Variants in NELL2 observed in about 807,000 individuals in gnomAD.
NELL2 encodes the protein protein kinase C-binding protein NELL2.
A neutral mutation model predicts 109.6 loss-of-function variants in NELL2; 41 were observed. The ratio of observed to expected loss-of-function variants is 0.37; its 90% CI spans 0.29 to 0.49. The LOEUF (loss-of-function observed/expected upper bound fraction) is 0.49, where lower values mean the gene tolerates loss of function less well. NELL2 is among the 20% of genes least tolerant of loss of function. The pLI, the probability that NELL2 is intolerant of heterozygous loss-of-function variation, is 0.98. For missense variants in NELL2, 900 were observed against 1,008.3 expected (o/e 0.89, Z 1.45); for synonymous variants, 355 against 344.7 (o/e 1.03, Z -0.33).
intron 3 of NELL2, among the ~76,000 whole-genome samples, chr12:44,813,145 G>T (rs1485932191): frequency 3.3e-5 from 5 of 152,152 alleles, no homozygotes; most frequent in Non-Finnish European, 5.9e-5. Context: ...GCAATGAGTG[G>T]CAGAGCTATG....
At chr12:44,569,097 T>A (rs1359522647) in intron 15 of NELL2, among the ~76,000 whole-genome samples, 1 of 152,162 alleles carries the variant, frequency 6.6e-6, no homozygotes, top group African/African-American at 2.4e-5. Context: ...TGTCTTCTCA[T>A]CATTTAGCTT....
chr12:44,693,637 C>T (rs1948968652), intron 12 of NELL2, among the ~76,000 whole-genome samples: 1 of 152,074 alleles, frequency 6.6e-6, no homozygotes, highest in Non-Finnish European at 1.5e-5. Flanking sequence ...ATTTGAATGT[C>T]TTAATGGTGT....
At chr12:44,551,685 G>C (rs1300420566) in intron 15 of NELL2, among the ~76,000 whole-genome samples, 1 of 152,096 alleles carries the variant, frequency 6.6e-6, no homozygotes, top group East Asian at 1.9e-4. Context: ...AATGGTGTTT[G>C]GAAAAATCAG....
chr12:44,732,136 T>C (rs1397140766), intron 9 of NELL2, among the ~76,000 whole-genome samples: 1 of 152,004 alleles, frequency 6.6e-6, no homozygotes, highest in Non-Finnish European at 1.5e-5. Flanking sequence ...TTAAAATATT[T>C]GTACTATCCA....
chr12:44,705,917 C>CT (rs1937851821), intron 11 of NELL2, among the ~76,000 whole-genome samples: 1 of 152,094 alleles, frequency 6.6e-6, no homozygotes, highest in African/African-American at 2.4e-5. Flanking sequence ...CAACTTTTCA[C>CT]TTGGTTGAAT....
Position 44,577,589 on chromosome 12 carries a change from T to C in NELL2, c.1663+29580A>G, listed in dbSNP as rs555081519. Among the ~76,000 whole-genome samples, 5 of 149,008 alleles carry C rather than the reference T, an allele frequency of 3.4e-5. No homozygotes were observed. The South Asian group carries it at 6.6e-4, about 20-fold the overall frequency. On this transcript the variant is annotated intron_variant, in intron 15 of 19. Transcript: ENST00000429094. ...GCCTCCCGGGTTCACACCATTCTCC[T>C]GCCTCAGCCTCCCGAGTAGCTGGGA... is the stretch of plus-strand genomic sequence containing the variant.
In NELL2 at chr12:44,776,168, G is replaced by A. The variant is rs757518506; in HGVS notation, c.763-18C>T. The A allele has an allele frequency of 1.4e-5, 23 of 1,611,420 alleles. No homozygotes were observed. Among genetic ancestry groups the A allele is most frequent in the South Asian group, 3.3e-5 (3 of 90,738 alleles). On this transcript the variant is annotated intron_variant, in intron 7 of 19. Transcript: ENST00000429094. Reference sequence around the variant, plus strand: ...CGAGACAGCTGTGGCACAAAAGAACGGGTTTTACATTGTTCATCCTTCCAG... The same window carrying A: ...CGAGACAGCTGTGGCACAAAAGAACAGGTTTTACATTGTTCATCCTTCCAG...
At chr12:44,531,143 T>C (rs1426636105) in intron 16 of NELL2, among the ~76,000 whole-genome samples, 3 of 152,080 alleles carry the variant, frequency 2.0e-5, no homozygotes, top group Non-Finnish European at 4.4e-5. Context: ...TAAACATAGG[T>C]AACCCCTAGA....
intron 2 of NELL2, among the ~76,000 whole-genome samples, chr12:44,823,529 G>A (rs1057427599): frequency 1.3e-5 from 2 of 152,150 alleles, no homozygotes; most frequent in East Asian, 1.9e-4. Context: ...TGAGCAGTTT[G>A]TCCTCCAGTT....
intron 15 of NELL2, among the ~76,000 whole-genome samples, chr12:44,599,903 C>T (rs189684026): frequency 1.3e-5 from 2 of 150,774 alleles, no homozygotes; most frequent in African/African-American, 4.8e-5. Context: ...ACCTCAGAGG[C>T]CCCCCAAAAA....
intron 9 of NELL2, among the ~76,000 whole-genome samples, chr12:44,736,289 G>A (rs535837225): frequency 1.3e-5 from 2 of 152,110 alleles, no homozygotes; most frequent in Admixed American, 6.5e-5. Context: ...GATTACAGGC[G>A]TGAGCCACCG....
rs145799832 is a variant in NELL2, at chr12:44,784,640, T to C, written c.336-4618A>G. On this transcript the variant is annotated intron_variant, in intron 3 of 19. Coordinates refer to ENST00000429094, the MANE Select transcript of NELL2 (RefSeq NM_001145108.2). ...CATGTGAAAATCCTCAATAAAATAC[T>C]GACAAACCAAATCCAGCAGCACATC... is the stretch of plus-strand genomic sequence containing the variant. Among the ~76,000 whole-genome samples, 29 of 152,248 alleles carry C rather than the reference T, an allele frequency of 1.9e-4. No individual in the cohort carries two copies. In the East Asian group the frequency reaches 5.4e-3, roughly 28 times the overall value.
intron 13 of NELL2, among the ~76,000 whole-genome samples, chr12:44,612,299 T>A (rs1945649307): frequency 6.6e-6 from 1 of 152,056 alleles, no homozygotes; most frequent in Non-Finnish European, 1.5e-5. Flanking sequence ...TCATTCTATA[T>A]GAGCACAAAG....
intron 16 of NELL2, among the ~76,000 whole-genome samples, chr12:44,524,882 T>C (rs189905721): frequency 2.6e-5 from 4 of 152,334 alleles, no homozygotes; most frequent in Admixed American, 2.6e-4. Flanking sequence ...GGTTAATGTG[T>C]ATTTTTTCAG....
chr12:44,642,728 A>G (rs1277062177), intron 13 of NELL2, among the ~76,000 whole-genome samples: 1 of 152,122 alleles, frequency 6.6e-6, no homozygotes, highest in Admixed American at 6.5e-5. Context: ...CTAAAAATAC[A>G]AAAATTAGCT....
At chr12:44,738,090 C>T (rs1939746795) in intron 9 of NELL2, among the ~76,000 whole-genome samples, 1 of 152,178 alleles carries the variant, frequency 6.6e-6, no homozygotes, top group Admixed American at 6.5e-5. Context: ...GTTTTCTCTG[C>T]TCTATGAACC....
intron 2 of NELL2, among the ~76,000 whole-genome samples, chr12:44,825,991 G>A (rs1039099293): frequency 5.3e-5 from 8 of 151,776 alleles, no homozygotes; most frequent in African/African-American, 1.7e-4. Context: ...GCAGTGAGCC[G>A]AGATCGCGCC....
intron 2 of NELL2, 199 bp downstream of exon 2, chr12:44,875,026 A>G (rs1945272215): frequency 4.8e-6 from 3 of 627,776 alleles, no homozygotes; most frequent in Admixed American, 6.2e-5. Context: ...AGTACAAAGT[A>G]CGAAGGAGAA....
chr12:44,574,069 T>TA (rs1205862004), intron 15 of NELL2, among the ~76,000 whole-genome samples: 1 of 151,934 alleles, frequency 6.6e-6, no homozygotes, highest in African/African-American at 2.4e-5. Flanking sequence ...TATTTTATTT[T>TA]TATTTTTTTT....
Sources: gnomAD v4.1 joint callset for allele counts (sites outside exome capture counted in the v4.1 genomes callset) on GRCh38, gnomAD v4.1.1 for gene constraint, MANE v1.5 for transcripts, NCBI Gene and HGNC (gene_info 2026-07-23, HGNC 2026-07-21) for gene names.